PTGFRN: variants seen among roughly 807,000 people sequenced by gnomAD.
PTGFRN encodes the protein prostaglandin F2 receptor inhibitor, also known as prostaglandin F2 receptor negative regulator.
PTGFRN carries 35 observed loss-of-function variants against 83.2 expected under a neutral mutation model. That is an observed-to-expected ratio of 0.42 (90% CI 0.32 to 0.56). PTGFRN has a LOEUF of 0.56. Among genes scored for constraint, PTGFRN ranks in the 20% least tolerant of loss-of-function variants. The pLI is 0.11. For missense variants in PTGFRN, 1,051 were observed against 1,179.5 expected (o/e 0.89, Z 1.60); for synonymous variants, 519 against 498.6 (o/e 1.04, Z -0.55).
chr1:116,947,269 C>T (rs564148253), intron 3 of PTGFRN, among the ~76,000 whole-genome samples: 1 of 152,338 alleles, frequency 6.6e-6, no homozygotes, highest in East Asian at 1.9e-4. Context: ...TCCTCCCCAG[C>T]CCCTCCTCCC....
Position 116,949,440 on chromosome 1 carries a change from C to G in PTGFRN, c.1081C>G (p.Arg361Gly), listed in dbSNP as rs202082288. ...TGCACGCTCCTACCATTTACTGGTT[C>G]GGGATGTTAGCAAAGAAAACTCTGG... ...VDARSYHLLV[R>G]DVSKENSGYY... Residue 361 changes from arginine (R) to glycine (G), a missense_variant, in exon 4 of 9, where the codon CGG becomes GGG. Arg to Gly is a moderately radical substitution (Grantham distance 125, BLOSUM62 -2). Transcript: ENST00000393203. 1 of 1,614,202 alleles carries G rather than the reference C, an allele frequency of 6.2e-7. No homozygotes were observed. Among genetic ancestry groups the G allele is most frequent in the Non-Finnish European group, 8.5e-7 (1 of 1,180,030 alleles).
chr1:116,964,817 T>A (rs1650779138), intron 5 of PTGFRN, among the ~76,000 whole-genome samples: 1 of 152,262 alleles, frequency 6.6e-6, no homozygotes, highest in African/African-American at 2.4e-5. Context: ...CATCCTTGAC[T>A]GCTCGTTGTT....
intron 6 of PTGFRN, among the ~76,000 whole-genome samples, chr1:116,971,004 T>G (rs1051813329): frequency 6.6e-6 from 1 of 152,216 alleles, no homozygotes; most frequent in Non-Finnish European, 1.5e-5. Flanking sequence ...ATAAATTTTT[T>G]TCTTCGTAAT....
intron 1 of PTGFRN, among the ~76,000 whole-genome samples, chr1:116,933,783 C>G (rs923378215): frequency 3.9e-5 from 6 of 152,146 alleles, no homozygotes; most frequent in African/African-American, 1.4e-4. Context: ...GCATCATTTC[C>G]GTTGAAAGTT....
At chr1:116,917,168 G>A (rs1649425512) in intron 1 of PTGFRN, among the ~76,000 whole-genome samples, 1 of 152,180 alleles carries the variant, frequency 6.6e-6, no homozygotes, top group South Asian at 2.1e-4. Context: ...AAGGAGGAAG[G>A]GAAATCACAG....
chr1:116,960,547 A>G (rs1287185951), intron 4 of PTGFRN, among the ~76,000 whole-genome samples: 1 of 152,204 alleles, frequency 6.6e-6, no homozygotes, highest in African/African-American at 2.4e-5. Flanking sequence ...TGGGGTGCTC[A>G]CTAGGGCAAG....
At chr1:116,931,453 C>G (rs1477202679) in intron 1 of PTGFRN, among the ~76,000 whole-genome samples, 7 of 151,250 alleles carry the variant, frequency 4.6e-5, no homozygotes, top group African/African-American at 7.3e-5. Context: ...TCTTATCTTA[C>G]ATTTGTCTAG....
intron 1 of PTGFRN, among the ~76,000 whole-genome samples, chr1:116,926,528 A>G (rs1274738219): frequency 6.6e-6 from 1 of 152,210 alleles, no homozygotes; most frequent in Non-Finnish European, 1.5e-5. Context: ...TTGGTTAATC[A>G]TCAGTACAGA....
At chr1:116,929,077 C>A in intron 1 of PTGFRN, among the ~76,000 whole-genome samples, 1 of 152,202 alleles carries the variant, frequency 6.6e-6, no homozygotes, top group East Asian at 1.9e-4. Flanking sequence ...CTCTTGCTTT[C>A]CTTGGTACAG....
chr1:116,945,111 G>A lies in PTGFRN; in HGVS notation c.832+19G>A, dbSNP rs756537097. ...CCATCAGGTGAGCTGGAAACGATGCGTTATAGGTGATGTTATTTTGTGACT... is the reference window on the plus strand; with the variant it reads ...CCATCAGGTGAGCTGGAAACGATGCATTATAGGTGATGTTATTTTGTGACT... On this transcript the variant is annotated intron_variant, in intron 3 of 8. Transcript: ENST00000393203. 2 of 1,585,710 alleles carry A rather than the reference G, an allele frequency of 1.3e-6. No individual in the cohort carries two copies. The highest frequency in any genetic ancestry group is 1.7e-6 in the Non-Finnish European group (2 of 1,163,962).
chr1:116,932,632 A>T (rs540609554), intron 1 of PTGFRN, among the ~76,000 whole-genome samples: 1 of 152,138 alleles, frequency 6.6e-6, no homozygotes, highest in African/African-American at 2.4e-5. Context: ...CTATTCTCTC[A>T]TCTGTCTACT....
intron 1 of PTGFRN, among the ~76,000 whole-genome samples, chr1:116,912,033 A>G (rs1244015268): frequency 6.6e-6 from 1 of 152,220 alleles, no homozygotes; most frequent in East Asian, 1.9e-4. Context: ...TCTCTGAACA[A>G]CCTGGGTACC....
At chr1:116,970,266 T>A (rs1377319348) in intron 6 of PTGFRN, among the ~76,000 whole-genome samples, 1 of 152,160 alleles carries the variant, frequency 6.6e-6, no homozygotes, top group African/African-American at 2.4e-5. Context: ...ATTGAGGAAG[T>A]TTCCTTCCAC....
At chr1:116,975,897 A>C (rs1570677361) in intron 7 of PTGFRN, among the ~76,000 whole-genome samples, 1 of 152,266 alleles carries the variant, frequency 6.6e-6, no homozygotes, top group African/African-American at 2.4e-5. Flanking sequence ...AGTTGAGAGA[A>C]GAAGGCTTCA....
At position 116,918,566 on chromosome 1, in the gene PTGFRN, G is replaced by A. The variant is rs1307772104; in HGVS notation, c.49+8314G>A. On this transcript the variant is annotated intron_variant, in intron 1 of 8. Transcript: ENST00000393203. The surrounding 1 kb of genome is among the most constrained non-coding windows in gnomAD (Gnocchi z 4.1). ...ATGCTAAAGTTTAAGAAGCATGTCT[G>A]GAGGAGGTTTGGCATACAAATTACT... is the stretch of plus-strand genomic sequence containing the variant. Among the ~76,000 whole-genome samples the A allele has an allele frequency of 1.3e-5, 2 of 152,182 alleles. No homozygotes were observed. Among genetic ancestry groups the A allele is most frequent in the Non-Finnish European group, 2.9e-5 (2 of 68,038 alleles).
intron 7 of PTGFRN, among the ~76,000 whole-genome samples, chr1:116,983,760 G>C (rs886975772): frequency 1.3e-5 from 2 of 152,084 alleles, no homozygotes; most frequent in Admixed American, 1.3e-4. Flanking sequence ...GCAAAAAATT[G>C]TGTTATTTGA....
chr1:116,986,734 G>A, intron 8 of PTGFRN, 67 bp from the exon 9 acceptor site: 13 of 1,507,424 alleles, frequency 8.6e-6, no homozygotes, highest in South Asian at 4.5e-5. Flanking sequence ...GAAGGGAGGC[G>A]AGGGTGCCCC....
chr1:116,927,569 T>C (rs1481226491), intron 1 of PTGFRN, among the ~76,000 whole-genome samples: 1 of 146,572 alleles, frequency 6.8e-6, no homozygotes, highest in African/African-American at 2.7e-5. Context: ...ACCTGTTCCC[T>C]GTTGCCCAGG....
chr1:116,924,870 CT>C (rs1297466914), intron 1 of PTGFRN, among the ~76,000 whole-genome samples: 2 of 152,136 alleles, frequency 1.3e-5, no homozygotes, highest in Non-Finnish European at 2.9e-5. Flanking sequence ...TGCTGCTGGG[CT>C]GGGGGTGTGG....
Sources: allele counts gnomAD v4.1 joint callset (sites outside exome capture counted in the v4.1 genomes callset), GRCh38; gene constraint gnomAD v4.1.1; non-coding constraint Gnocchi (gnomAD v3.1); transcripts MANE v1.5; gene names NCBI Gene and HGNC (gene_info 2026-07-23, HGNC 2026-07-21).